Variants in PEMT observed in about 807,000 individuals in gnomAD.
The protein encoded by PEMT is phospholipid methyltransferase.
Under a neutral mutation model 27.4 loss-of-function variants are expected in PEMT, and 23 were observed. The ratio of observed to expected loss-of-function variants is 0.84; its 90% CI spans 0.60 to 1.19. PEMT has a LOEUF of 1.19. Among genes scored for constraint, PEMT ranks in the 50% most tolerant of loss-of-function variants. PEMT has a pLI of 0.00. For synonymous variants in PEMT, 137 were observed against 139.1 expected, an observed-to-expected ratio of 0.98 and a Z score of 0.11; for missense variants, 307 against 310.1, an observed-to-expected ratio of 0.99 and a Z score of 0.07.
At chr17:17,555,412 C>T (rs1909983346) in intron 2 of PEMT, among the ~76,000 whole-genome samples, 1 of 152,232 alleles carries the variant, frequency 6.6e-6, no homozygotes, top group East Asian at 1.9e-4. Flanking sequence ...CCACCTGTCA[C>T]AGTGTGCTGC....
At chr17:17,552,500 C>T (rs1909728047) in intron 2 of PEMT, among the ~76,000 whole-genome samples, 1 of 152,206 alleles carries the variant, frequency 6.6e-6, no homozygotes, top group Non-Finnish European at 1.5e-5. Flanking sequence ...GAGGAGACAC[C>T]TCTGTGGGTG....
chr17:17,534,748 A>T (rs1908334635), intron 2 of PEMT, among the ~76,000 whole-genome samples: 1 of 152,074 alleles, frequency 6.6e-6, no homozygotes, highest in Non-Finnish European at 1.5e-5. Flanking sequence ...AGGTGGGAGG[A>T]TCACTTGAGC....
intron 3 of PEMT, among the ~76,000 whole-genome samples, chr17:17,518,657 T>C (rs1907033207): frequency 1.3e-5 from 2 of 152,222 alleles, no homozygotes; most frequent in Admixed American, 1.3e-4. Context: ...ATCCCATCCA[T>C]GACCCAGGCT....
chr17:17,577,392 T>C, intron 1 of PEMT: 2 of 866,902 alleles, frequency 2.3e-6, no homozygotes, highest in South Asian at 3.1e-5. Context: ...CTGAGATAAA[T>C]GTGAAGAGAT....
At chr17:17,590,042 C>A (rs774025291) in intron 1 of PEMT, among the ~76,000 whole-genome samples, 1 of 147,792 alleles carries the variant, frequency 6.8e-6, no homozygotes, top group Non-Finnish European at 1.5e-5. Flanking sequence ...TGCATTCTGC[C>A]CCCCCTTCTA....
At chr17:17,547,654 T>TTCC (rs554459182) in intron 2 of PEMT, among the ~76,000 whole-genome samples, 8 of 151,480 alleles carry the variant, frequency 5.3e-5, no homozygotes, top group South Asian at 2.1e-4. Context: ...CTCCCTCCTC[T>TTCC]TCCTCCTCCT....
Position 17,582,309 on chromosome 17 carries a change from C to A in PEMT, c.97-5282G>T. ...CTGAGCTGCAGGAATAGCTCGAGTC[C>A]CACAGGTCACCGACGAATAGCCTCA... On this transcript the variant is annotated intron_variant, in intron 1 of 6. Coordinates refer to ENST00000255389, the MANE Select transcript of PEMT (RefSeq NM_148172.3). This position sits in a 1 kb window ranked among gnomAD's most constrained non-coding sequence, Gnocchi z 4.9. The A allele has an allele frequency of 1.0e-6, 1 of 985,494 alleles. No individual in the cohort carries two copies. The highest frequency in any genetic ancestry group is 1.2e-6 in the Non-Finnish European group (1 of 829,998). 61.0% of individuals were successfully genotyped at this position (985,494 alleles called of 1,614,324 possible). A position where few individuals can be genotyped will look rare whatever the true frequency, so the allele number is the denominator to read the frequency against.
chr17:17,591,015 C>T (rs1213235893), intron 1 of PEMT, among the ~76,000 whole-genome samples: 1 of 152,166 alleles, frequency 6.6e-6, no homozygotes, highest in African/African-American at 2.4e-5. Context: ...GTCCCCACCA[C>T]TCTCTTGCCT....
At chr17:17,506,844 G>T in intron 5 of PEMT, 1 of 372,444 alleles carries the variant, frequency 2.7e-6, no homozygotes, top group Non-Finnish European at 4.9e-6. Context: ...TGTGGGGAAG[G>T]GGGCTTAGGA....
intron 2 of PEMT, among the ~76,000 whole-genome samples, chr17:17,563,370 T>C (rs1041734748): frequency 2.4e-4 from 37 of 151,980 alleles, no homozygotes; most frequent in African/African-American, 7.7e-4. Flanking sequence ...CCTCAGCCCT[T>C]CCAATAACCG....
At chr17:17,588,670 C>T (rs1338362726) in intron 1 of PEMT, among the ~76,000 whole-genome samples, 2 of 152,220 alleles carry the variant, frequency 1.3e-5, no homozygotes, top group Non-Finnish European at 2.9e-5. Context: ...GGGCATGTGC[C>T]CTTGCTCTGA....
chr17:17,552,609 G>A (rs1243533068), intron 2 of PEMT, among the ~76,000 whole-genome samples: 9 of 152,220 alleles, frequency 5.9e-5, no homozygotes. Flanking sequence ...ACGGAGACCT[G>A]CAGGCTGCAG....
rs1400504995 is a variant in PEMT, at chr17:17,528,816, T to A, written c.205-6421A>T. On this transcript the variant is annotated intron_variant, in intron 2 of 6. Coordinates refer to ENST00000255389, the MANE Select transcript of PEMT (RefSeq NM_148172.3). The stretch of plus-strand genomic sequence containing the variant: ...CAGGATCCCCCAGTCCCACTGGAGT[T>A]GACAAGGATGGCTGAGGCTGCCAAG... Among the ~76,000 whole-genome samples the A allele has an allele frequency of 2.0e-5, 3 of 152,306 alleles. No homozygotes were observed. The East Asian group carries it at 5.8e-4, about 29-fold the overall frequency.
At position 17,512,295 on chromosome 17, in the gene PEMT, G is replaced by A. The variant is rs1340064342; in HGVS notation, c.466+214C>T. ...TGCCTTCACTCCCCAGGAGGCAGCC[G>A]CTCAGCACGCTGGGGTAAGAGGAGC... On this transcript the variant is annotated intron_variant, in intron 4 of 6. Transcript: ENST00000255389. This position sits in a 1 kb window ranked among gnomAD's most constrained non-coding sequence, Gnocchi z 6.3. Among the ~76,000 whole-genome samples, 5 of 152,198 alleles carry A rather than the reference G, an allele frequency of 3.3e-5. No individual in the cohort carries two copies. The highest frequency in any genetic ancestry group is 7.3e-5 in the Non-Finnish European group (5 of 68,032).
chr17:17,575,707 C>T (rs929632093), intron 2 of PEMT, among the ~76,000 whole-genome samples: 9 of 152,196 alleles, frequency 5.9e-5, no homozygotes, highest in African/African-American at 1.4e-4. Context: ...TTTGGCTACA[C>T]CAAGCTCGCC....
intron 3 of PEMT, among the ~76,000 whole-genome samples, chr17:17,517,256 G>A (rs569787926): frequency 1.3e-5 from 2 of 152,358 alleles, no homozygotes; most frequent in African/African-American, 4.8e-5. Context: ...TAGTAAGTTT[G>A]TGTGGTTTAA....
Position 17,569,173 on chromosome 17 carries a change from TAC to T in PEMT, c.204+7745_204+7746del, listed in dbSNP as rs911146791. Reference sequence around the variant, plus strand: ...CCAGAGGGACAGGTCAGCGTCCTGATACAGACATAAGGCCTGCTGCCCCTCTA... The same window carrying T: ...CCAGAGGGACAGGTCAGCGTCCTGATAGACATAAGGCCTGCTGCCCCTCTA... On this transcript the variant is annotated intron_variant, in intron 2 of 6. Transcript: ENST00000255389. 1.3e-4 allele frequency among the ~76,000 whole-genome samples: 20 copies of T among 152,330 alleles called. 1 individual carries two copies. Among genetic ancestry groups the T allele is most frequent in the Middle Eastern group, 3.4e-3 (1 of 294 alleles).
At chr17:17,585,955 C>A (rs1362802445) in intron 1 of PEMT, among the ~76,000 whole-genome samples, 4 of 151,214 alleles carry the variant, frequency 2.6e-5, no homozygotes, top group Non-Finnish European at 5.9e-5. Context: ...TGGTGGCAGG[C>A]GCCTGTAGTC....
intron 4 of PEMT, among the ~76,000 whole-genome samples, chr17:17,510,754 G>T (rs1203601693): frequency 6.6e-6 from 1 of 152,148 alleles, no homozygotes; most frequent in East Asian, 1.9e-4. Context: ...CCCTCTGACT[G>T]TCCAGGACCC....
Sources: allele counts gnomAD v4.1 joint callset (sites outside exome capture counted in the v4.1 genomes callset), GRCh38; gene constraint gnomAD v4.1.1; non-coding constraint Gnocchi (gnomAD v3.1); transcripts MANE v1.5; gene names NCBI Gene and HGNC (gene_info 2026-07-23, HGNC 2026-07-21).